Variants in CSGALNACT1 observed in about 807,000 individuals in gnomAD.
CSGALNACT1 encodes beta4GalNAcT-1.
Under a neutral mutation model 51.0 loss-of-function variants are expected in CSGALNACT1, and 52 were observed. The observed-to-expected ratio is 1.02, with a 90% CI of 0.82 to 1.29. The LOEUF (loss-of-function observed/expected upper bound fraction) is 1.29. CSGALNACT1 is among the 50% of genes most tolerant of loss of function. The probability of loss-of-function intolerance (pLI) is 0.00; values close to 1 mark genes in which losing one functional copy is unlikely to be tolerated. For synonymous variants in CSGALNACT1, 341 were observed against 254.4 expected, an observed-to-expected ratio of 1.34 and a Z score of -3.24; for missense variants, 935 against 679.2, an observed-to-expected ratio of 1.38 and a Z score of -4.19.
intron 3 of CSGALNACT1, among the ~76,000 whole-genome samples, chr8:19,588,918 T>C (rs1245262829): frequency 1.3e-5 from 2 of 152,146 alleles, no homozygotes; most frequent in African/African-American, 4.8e-5. Context: ...CATTACTCAA[T>C]GCATAGTAGT....
rs1018287663 is a variant in CSGALNACT1 at position 19,666,821 on chromosome 8, G to A, written c.-544+15652C>T. ...AAAGAAAGAAAGAAAGAGAGAGAGA[G>A]AGAGAGAGAGAGAAAGAAAGAAAGA... On this transcript the variant is annotated intron_variant, in intron 1 of 9. Transcript: ENST00000332246. Among the ~76,000 whole-genome samples, 329 of 66,106 alleles carry A rather than the reference G, an allele frequency of 5.0e-3. 7 individuals are homozygous for A. The highest frequency in any genetic ancestry group is 0.013 in the Middle Eastern group (2 of 150). The allele number at this position is 66,106 out of a possible 152,430, so 43.4% of individuals were successfully genotyped here.
chr8:19,670,650 CAAAAAAAAAA>C (rs752256046), intron 1 of CSGALNACT1, among the ~76,000 whole-genome samples: 2 of 92,846 alleles, frequency 2.2e-5, no homozygotes, highest in South Asian at 4.3e-4. Flanking sequence ...CTACTGAAGA[CAAAAAAAAAA>C]AAAAAAAAAA....
chr8:19,642,835 ACAACAAC>A (rs2056883610), intron 1 of CSGALNACT1, among the ~76,000 whole-genome samples: 1 of 152,068 alleles, frequency 6.6e-6, no homozygotes, highest in Non-Finnish European at 1.5e-5. Context: ...GGCTTATTCA[ACAACAAC>A]AAAAAAATTG....
intron 3 of CSGALNACT1, among the ~76,000 whole-genome samples, chr8:19,574,973 T>C (rs1266647627): frequency 1.3e-5 from 2 of 151,542 alleles, no homozygotes; most frequent in African/African-American, 4.9e-5. Context: ...AAGTGGAGGT[T>C]GCAGTGAGGT....
chr8:19,515,789 G>C (rs1425447886), intron 3 of CSGALNACT1, among the ~76,000 whole-genome samples: 2 of 152,092 alleles, frequency 1.3e-5, no homozygotes, highest in Admixed American at 1.3e-4. Flanking sequence ...GGGGCTTCCT[G>C]TCTATGCCAG....
intron 8 of CSGALNACT1, among the ~76,000 whole-genome samples, chr8:19,418,327 C>A (rs1220885703): frequency 1.3e-5 from 2 of 152,146 alleles, no homozygotes; most frequent in African/African-American, 2.4e-5. Context: ...ACCTTTGTTA[C>A]CTTGTAGGAT....
chr8:19,532,888 C>T (rs542724703), intron 3 of CSGALNACT1, among the ~76,000 whole-genome samples: 62 of 152,310 alleles, frequency 4.1e-4, no homozygotes, highest in African/African-American at 1.3e-3. Flanking sequence ...AAACAAGCTG[C>T]TTATCCACCG....
intron 1 of CSGALNACT1, among the ~76,000 whole-genome samples, chr8:19,643,806 G>T (rs902146358): frequency 1.3e-5 from 2 of 152,190 alleles, no homozygotes. Context: ...GGAGAATATT[G>T]AGTCCAGGCT....
At chr8:19,725,803 T>C (rs1377912223) in intron 1 of CSGALNACT1, among the ~76,000 whole-genome samples, 1 of 152,130 alleles carries the variant, frequency 6.6e-6, no homozygotes, top group African/African-American at 2.4e-5. Context: ...AGATTTCCCA[T>C]ATACCCTCTA....
chr8:19,410,542 A>G (rs1362194405), intron 8 of CSGALNACT1, among the ~76,000 whole-genome samples: 1 of 152,166 alleles, frequency 6.6e-6, no homozygotes, highest in East Asian at 1.9e-4. Flanking sequence ...GGAATTTAAA[A>G]AGGAACGCTC....
intron 6 of CSGALNACT1, among the ~76,000 whole-genome samples, 198 bp downstream of exon 5, chr8:19,439,632 T>G (rs1019717415): frequency 1.3e-5 from 2 of 152,214 alleles, no homozygotes; most frequent in Non-Finnish European, 2.9e-5. Context: ...CCCATGCACA[T>G]TGAAAACCAG....
chr8:19,610,195 C>T (rs1357835981), intron 1 of CSGALNACT1, among the ~76,000 whole-genome samples: 1 of 146,484 alleles, frequency 6.8e-6, no homozygotes, highest in Admixed American at 7.1e-5. Flanking sequence ...GAGGCTGAGG[C>T]AGGAGAATTG....
intron 2 of CSGALNACT1, among the ~76,000 whole-genome samples, chr8:19,596,127 C>G (rs1234148834): frequency 6.6e-6 from 1 of 152,098 alleles, no homozygotes. Context: ...CTTGGCCTTC[C>G]AGAGTGTTGA....
chr8:19,498,743 T>C (rs1399812421), intron 4 of CSGALNACT1, among the ~76,000 whole-genome samples: 1 of 152,184 alleles, frequency 6.6e-6, no homozygotes, highest in South Asian at 2.1e-4. Context: ...TGACCTCCCA[T>C]AACATCACAA....
intron 1 of CSGALNACT1, among the ~76,000 whole-genome samples, chr8:19,642,985 G>A (rs934571097): frequency 3.9e-5 from 6 of 152,048 alleles, no homozygotes; most frequent in Non-Finnish European, 7.4e-5. Flanking sequence ...GGAGCTGGAA[G>A]AAAATACAGT....
Position 19,439,408 on chromosome 8 carries a change from C to T in CSGALNACT1, c.953+422G>A, listed in dbSNP as rs549248680. On this transcript the variant is annotated intron_variant, in intron 6 of 9. Transcript: ENST00000454498. ...AGACTGTTTGCTAAGTGGATGAGAT[C>T]TGAGCATAGACTTCACTCTTAGGCT... Among the ~76,000 whole-genome samples the T allele has an allele frequency of 3.9e-5, 6 of 152,342 alleles. No individual in the cohort carries two copies. The South Asian group carries it at 1.0e-3, about 26-fold the overall frequency.
intron 4 of CSGALNACT1, among the ~76,000 whole-genome samples, chr8:19,476,835 T>A (rs2069803582): frequency 6.6e-6 from 1 of 152,156 alleles, no homozygotes; most frequent in Non-Finnish European, 1.5e-5. Context: ...ATGCCGGACA[T>A]GTGAGTGAGC....
chr8:19,448,937 G>A (rs1199018079), intron 5 of CSGALNACT1, among the ~76,000 whole-genome samples: 2 of 152,098 alleles, frequency 1.3e-5, no homozygotes, highest in Non-Finnish European at 2.9e-5. Context: ...AGAGTTAGTG[G>A]GGCTAAGTAA....
chr8:19,409,175 G>A (rs1324735607), intron 8 of CSGALNACT1, among the ~76,000 whole-genome samples: 5 of 152,128 alleles, frequency 3.3e-5, no homozygotes, highest in South Asian at 2.1e-4. Context: ...GCCCTGGCAC[G>A]GTCCACTCAC....
Sources: gnomAD v4.1 joint callset for allele counts (sites outside exome capture counted in the v4.1 genomes callset) on GRCh38, gnomAD v4.1.1 for gene constraint, MANE v1.5 for transcripts, NCBI Gene and HGNC (gene_info 2026-07-23, HGNC 2026-07-21) for gene names.